DIP2C: variants seen among roughly 807,000 people sequenced by gnomAD.
The protein encoded by DIP2C is disco-interacting protein 2 homolog C.
In DIP2C, 33 loss-of-function variants were observed where a neutral mutation model predicts 192.4. That is an observed-to-expected ratio of 0.17 (90% CI 0.13 to 0.23). The LOEUF is 0.23. Among genes scored for constraint, DIP2C ranks in the 10% least tolerant of loss-of-function variants. The pLI, the probability that DIP2C is intolerant of heterozygous loss-of-function variation, is 1.00. For synonymous variants in DIP2C, 979 were observed against 864.1 expected (o/e 1.13, Z -2.33); for missense variants, 1,537 against 2,110.1 (o/e 0.73, Z 5.32).
At chr10:321,394 G>T (rs1180233196) in intron 31 of DIP2C, among the ~76,000 whole-genome samples, 3 of 152,200 alleles carry the variant, frequency 2.0e-5, no homozygotes, top group African/African-American at 7.2e-5. Context: ...CCTAAGCCCT[G>T]CTGCACACGG....
chr10:632,903 G>A (rs113425199), intron 1 of DIP2C, among the ~76,000 whole-genome samples: 1 of 142,038 alleles, frequency 7.0e-6, no homozygotes, highest in Admixed American at 7.0e-5. Context: ...GGCCAGCACC[G>A]TAACTGGAGA....
Position 387,790 on chromosome 10 carries a change from C to G in DIP2C, c.1617G>C (p.Val539=), listed in dbSNP as rs1374902398. The change falls in exon 14 of 37, where the codon GTG becomes GTC. Residue 539 remains valine (V), a synonymous_variant. Transcript: ENST00000280886. ...GCCCGACGTCCTTCTTGAAATCCAG[C>G]ACATTCACAATGGTTTCAGCTGCAC... ...GYTEAETIVN[V]LDFKKDVGLW... is the part of the protein sequence containing the mutation. 6.2e-7 allele frequency: 1 copy of G among 1,614,226 alleles called. No individual in the cohort carries two copies. The highest frequency in any genetic ancestry group is 2.2e-5 in the East Asian group (1 of 44,884).
chr10:600,681 T>C (rs1852010958), intron 1 of DIP2C, among the ~76,000 whole-genome samples: 1 of 152,160 alleles, frequency 6.6e-6, no homozygotes, highest in African/African-American at 2.4e-5. Flanking sequence ...TGTGTGGATA[T>C]TCCTGGGTGC....
chr10:410,746 C>T (rs985389580), intron 8 of DIP2C, among the ~76,000 whole-genome samples: 1 of 152,186 alleles, frequency 6.6e-6, no homozygotes, highest in Admixed American at 6.5e-5. Context: ...TCTTGACATC[C>T]TAAGTTCATA....
intron 18 of DIP2C, among the ~76,000 whole-genome samples, chr10:367,332 G>C (rs1474664986): frequency 2.0e-5 from 3 of 151,768 alleles, no homozygotes. Flanking sequence ...CAGGAGAATG[G>C]CGTGAACCCG....
At chr10:303,570 C>A (rs1462534256) in intron 32 of DIP2C, among the ~76,000 whole-genome samples, 1 of 151,494 alleles carries the variant, frequency 6.6e-6, no homozygotes, top group Non-Finnish European at 1.5e-5. Context: ...GTTGACCAGA[C>A]TGGAGTGCAG....
rs572343668 is a variant in DIP2C, at chr10:587,581, C to G, written c.86-101051G>C. Among the ~76,000 whole-genome samples, 41 of 151,628 alleles carry G rather than the reference C, an allele frequency of 2.7e-4. 1 individual carries two copies. The highest frequency in any genetic ancestry group is 1.2e-3 in the Admixed American group (18 of 15,222). On this transcript the variant is annotated intron_variant, in intron 1 of 36. Coordinates refer to ENST00000280886, the MANE Select transcript of DIP2C (RefSeq NM_014974.3). ...AACAAGTCGCTTCAGCCCTGACCCT[C>G]CTGAAACCCCACATCCACACCAGGC... is the stretch of plus-strand genomic sequence containing the variant.
intron 1 of DIP2C, among the ~76,000 whole-genome samples, chr10:684,539 A>G (rs1412244399): frequency 2.6e-5 from 4 of 152,088 alleles, no homozygotes; most frequent in African/African-American, 9.7e-5. Context: ...AGTCCTCAGG[A>G]CCTTCTCTTA....
chr10:442,742 C>A (rs937839977), intron 3 of DIP2C, among the ~76,000 whole-genome samples: 3 of 152,172 alleles, frequency 2.0e-5, no homozygotes, highest in African/African-American at 7.2e-5. Context: ...TTCCTAAACA[C>A]AAGAATATTC....
rs1422378362 is a variant in DIP2C, at chr10:474,162, C to T, written c.158-1613G>A. On this transcript the variant is annotated intron_variant, in intron 2 of 36. Transcript: ENST00000280886. ...AATCAAAGAGTATTATCAAGTCTCA[C>T]ATGAAAAACAGTAGCTACCTGGCAC... Among the ~76,000 whole-genome samples the T allele has an allele frequency of 7.9e-5, 12 of 152,298 alleles. No homozygotes were observed. The South Asian group carries it at 1.5e-3, about 18-fold the overall frequency.
intron 1 of DIP2C, among the ~76,000 whole-genome samples, chr10:564,677 G>T (rs1250294483): frequency 6.6e-6 from 1 of 152,126 alleles, no homozygotes; most frequent in African/African-American, 2.4e-5. Flanking sequence ...GCGGATTTCT[G>T]TGAGGACTCA....
chr10:397,193 T>C (rs1368388959), intron 10 of DIP2C, among the ~76,000 whole-genome samples: 2 of 152,154 alleles, frequency 1.3e-5, no homozygotes, highest in Non-Finnish European at 1.5e-5. Context: ...GATTGTTGCC[T>C]TTTAGAGCTG....
intron 32 of DIP2C, among the ~76,000 whole-genome samples, chr10:298,347 T>C (rs3097724): frequency 0.99 from 150,593 of 152,246 alleles, 74,501 homozygotes; most frequent in Middle Eastern, 1. Flanking sequence ...GGAAAAGGGC[T>C]TTAGAGATGA....
chr10:341,570 C>T (rs1472655923), intron 28 of DIP2C, among the ~76,000 whole-genome samples: 1 of 151,958 alleles, frequency 6.6e-6, no homozygotes, highest in African/African-American at 2.4e-5. Flanking sequence ...TTGAACGCAT[C>T]GGGCCTGACA....
chr10:657,654 C>T (rs1319895708), intron 1 of DIP2C, among the ~76,000 whole-genome samples: 87 of 116,106 alleles, frequency 7.5e-4, no homozygotes, highest in African/African-American at 2.0e-3. Flanking sequence ...TGCCCCTGGA[C>T]CTGTCCCTGG....
At chr10:599,625 G>A (rs576131590) in intron 1 of DIP2C, among the ~76,000 whole-genome samples, 2 of 152,310 alleles carry the variant, frequency 1.3e-5, no homozygotes, top group Non-Finnish European at 2.9e-5. Flanking sequence ...AGAGGCTGGA[G>A]GGACCTTCCA....
At position 329,525 on chromosome 10, in the gene DIP2C, C is replaced by T; in HGVS notation, c.3661G>A (p.Val1221Met). 2 of 1,614,170 alleles carry T rather than the reference C, an allele frequency of 1.2e-6. No homozygotes were observed. The highest frequency in any genetic ancestry group is 1.1e-5 in the South Asian group (1 of 91,084). Residue 1221 changes from valine (V) to methionine (M), a missense_variant, in exon 30 of 37, where the codon GTG becomes ATG. Physicochemically the swap from Val to Met is conservative, Grantham distance 21. Coordinates refer to ENST00000280886, the MANE Select transcript of DIP2C (RefSeq NM_014974.3). ...ETNPALWLLAVSQYKVRDTFC... is the reference protein window; with the variant it reads ...ETNPALWLLAMSQYKVRDTFC... ...GTGTCTCGGACTTTGTACTGACTCA[C>T]GGCAAGAAGCCACAAGGCGGGGTTG...
chr10:314,076 C>T (rs1456938020), intron 31 of DIP2C, among the ~76,000 whole-genome samples: 2 of 152,154 alleles, frequency 1.3e-5, no homozygotes, highest in Non-Finnish European at 2.9e-5. Context: ...TTGTATGTCT[C>T]CAGGCAAATG....
intron 1 of DIP2C, among the ~76,000 whole-genome samples, chr10:512,769 C>T (rs1202137646): frequency 6.6e-6 from 1 of 151,692 alleles, no homozygotes; most frequent in African/African-American, 2.4e-5. Flanking sequence ...CAAAAATTAG[C>T]CAGGCATGAT....
Sources: allele counts gnomAD v4.1 joint callset (sites outside exome capture counted in the v4.1 genomes callset), GRCh38; gene constraint gnomAD v4.1.1; transcripts MANE v1.5; gene names NCBI Gene and HGNC (gene_info 2026-07-23, HGNC 2026-07-21).